The following LCOR variants were observed in gnomAD, a reference collection of about 807,000 sequenced individuals.
The protein encoded by LCOR is ligand dependent nuclear receptor corepressor, also known as ligand-dependent corepressor.
A neutral mutation model predicts 64.4 loss-of-function variants in LCOR; 14 were observed. The observed-to-expected ratio is 0.22, with a 90% confidence interval of 0.14 to 0.34. The LOEUF is 0.34. LCOR is among the 10% of genes least tolerant of loss of function. The probability of loss-of-function intolerance (pLI) is 1.00; values close to 1 mark genes in which losing one functional copy is unlikely to be tolerated. For synonymous variants in LCOR, 643 were observed against 642.5 expected, an observed-to-expected ratio of 1.00 and a Z score of -0.01; for missense variants, 1,686 against 1,765.3, an observed-to-expected ratio of 0.96 and a Z score of 0.80.
intron 4 of LCOR, among the ~76,000 whole-genome samples, chr10:96,922,402 A>G (rs1002311191): frequency 7.9e-5 from 12 of 152,184 alleles, no homozygotes; most frequent in Non-Finnish European, 4.4e-5. Context: ...ACACAAGTTA[A>G]TGACTATTGC....
chr10:96,959,352 A>G (rs1847845061), intron 7 of LCOR: 1 of 152,192 alleles, frequency 6.6e-6, no homozygotes, highest in South Asian at 2.1e-4. Flanking sequence ...ATTTTCCAGT[A>G]GGCAGATAAC....
chr10:96,833,346 G>A (rs1368739645), intron 1 of LCOR, 60 bp from the exon 2 acceptor site: 1 of 972,466 alleles, frequency 1.0e-6, no homozygotes, highest in East Asian at 1.1e-4. Flanking sequence ...CCCCGGGAGG[G>A]GCCGGGCGGC....
intron 7 of LCOR, chr10:96,958,253 T>TTTA (rs1050046349): frequency 7.5e-7 from 1 of 1,326,834 alleles, no homozygotes; most frequent in African/African-American, 1.5e-5. Context: ...AATCTGGCCC[T>TTTA]AAAAGTTCAA....
rs768140896 is a variant in LCOR, at chr10:96,981,024, G to A, written c.564G>A (p.Lys188=). The A allele has an allele frequency of 3.3e-5, 23 of 702,878 alleles. No homozygotes were observed. The highest frequency in any genetic ancestry group is 3.1e-4 in the South Asian group (21 of 67,594). 43.5% of individuals were successfully genotyped at this position (702,878 alleles called of 1,614,324 possible). The change falls in exon 8 of 8, where the codon AAG becomes AAA. Residue 188 remains lysine, a synonymous_variant. Transcript: ENST00000421806. ...GTGCCCAGCTCAGCACCAAACATAA[G>A]GAAAAAGATGCTCTGTGTCTCGATA... The part of the protein sequence containing the change: ...AGCAQLSTKH[K]EKDALCLDMK...
intron 4 of LCOR, among the ~76,000 whole-genome samples, chr10:96,925,689 T>C (rs932159575): frequency 1.3e-5 from 2 of 152,198 alleles, no homozygotes; most frequent in African/African-American, 4.8e-5. Flanking sequence ...ACTGAAATAT[T>C]ACTATTTTCC....
At chr10:96,842,738 C>G (rs1174096717) in intron 2 of LCOR, among the ~76,000 whole-genome samples, 1 of 148,236 alleles carries the variant, frequency 6.7e-6, no homozygotes, top group African/African-American at 2.5e-5. Flanking sequence ...TCAAGTGATT[C>G]TTCTGCCTCA....
At chr10:96,979,356 G>A (rs7900672) in intron 7 of LCOR, among the ~76,000 whole-genome samples, 8,288 of 152,228 alleles carry the variant, frequency 0.054, 757 homozygotes, top group African/African-American at 0.19. Context: ...GGAGCACACC[G>A]ACTGCATGGG....
intron 2 of LCOR, among the ~76,000 whole-genome samples, chr10:96,858,510 C>T (rs1450933811): frequency 6.6e-6 from 1 of 152,208 alleles, no homozygotes; most frequent in Non-Finnish European, 1.5e-5. Flanking sequence ...AACAAACCAA[C>T]CATAAATAAT....
intron 4 of LCOR, among the ~76,000 whole-genome samples, chr10:96,919,509 G>A (rs1242629372): frequency 2.6e-5 from 4 of 151,300 alleles, no homozygotes; most frequent in East Asian, 1.9e-4. Context: ...TTTAAATTAC[G>A]GTAAAATATA....
chr10:96,985,145 G>A lies in LCOR; in HGVS notation c.*11G>A. ...CTGGATGCAAAGTGATTGGAAAGAT[G>A]GTAGCCAAGAGTAAAACTGTTCTAT... On this transcript the variant is annotated 3_prime_UTR_variant, in exon 8 of 8. Transcript: ENST00000421806. The A allele has an allele frequency of 6.3e-7, 1 of 1,580,170 alleles. No individual in the cohort carries two copies. The highest frequency in any genetic ancestry group is 8.6e-7 in the Non-Finnish European group (1 of 1,167,514).
intron 7 of LCOR, among the ~76,000 whole-genome samples, chr10:96,977,693 G>A (rs1848049890): frequency 6.6e-6 from 1 of 151,948 alleles, no homozygotes; most frequent in Non-Finnish European, 1.5e-5. Flanking sequence ...GTTTTTTGAT[G>A]TGGGGTCTCA....
chr10:96,994,261 A>G lies in LCOR; in HGVS notation c.*9127A>G, dbSNP rs1848224729. On this transcript the variant is annotated 3_prime_UTR_variant, in exon 8 of 8. Coordinates refer to ENST00000421806, the MANE Select transcript of LCOR (RefSeq NM_001346516.2). ...ACCTTTAAAACCTAGCCCATTTCAT[A>G]TCAGCCTCTTCTGTGCCTGGGCTTG... 1 of 152,200 alleles carries G rather than the reference A, an allele frequency of 6.6e-6. No homozygotes were observed. Among genetic ancestry groups the G allele is most frequent in the South Asian group, 2.1e-4 (1 of 4,834 alleles). 9.4% of individuals were successfully genotyped at this position (152,200 alleles called of 1,614,324 possible). A position where few individuals can be genotyped will look rare whatever the true frequency, so the allele number is the denominator to read the frequency against.
At chr10:96,881,159 C>T (rs1248096962) in intron 2 of LCOR, among the ~76,000 whole-genome samples, 1 of 152,154 alleles carries the variant, frequency 6.6e-6, no homozygotes, top group Non-Finnish European at 1.5e-5. Context: ...AAAGGTTTGT[C>T]TGACTCTCCT....
At position 96,961,198 on chromosome 10, in the gene LCOR, AATCGAGGCTAATTAATGTTGAT is replaced by A. The variant is rs1458566110; in HGVS notation, c.332+9003_332+9024del. 3 of 152,274 alleles carry A rather than the reference AATCGAGGCTAATTAATGTTGAT, an allele frequency of 2.0e-5. No homozygotes were observed. In the East Asian group the frequency reaches 5.8e-4, roughly 29 times the overall value. The allele number at this position is 152,274 out of a possible 1,614,324, so 9.4% of individuals were successfully genotyped here. A position where few individuals can be genotyped will look rare whatever the true frequency, so the allele number is the denominator to read the frequency against. ...ATCTTTTACATTGTTTAAAAATGAG[AATCGAGGCTAATTAATGTTGAT>A]TTGACAATAGAACATGAGCTAATTC... On this transcript the variant is annotated intron_variant, in intron 7 of 7. Coordinates refer to ENST00000421806, the MANE Select transcript of LCOR (RefSeq NM_001346516.2).
At chr10:96,879,197 G>A (rs1256791891) in intron 2 of LCOR, among the ~76,000 whole-genome samples, 4 of 152,052 alleles carry the variant, frequency 2.6e-5, no homozygotes, top group Non-Finnish European at 5.9e-5. Context: ...AATAAAAACA[G>A]TGAAATATAT....
intron 2 of LCOR, among the ~76,000 whole-genome samples, chr10:96,887,975 C>G (rs984049141): frequency 1.3e-5 from 2 of 151,912 alleles, no homozygotes; most frequent in Non-Finnish European, 2.9e-5. Flanking sequence ...ACCACCACAC[C>G]TGGCCTACTT....
intron 2 of LCOR, among the ~76,000 whole-genome samples, chr10:96,853,785 G>A (rs1301586595): frequency 6.6e-6 from 1 of 152,166 alleles, no homozygotes; most frequent in East Asian, 1.9e-4. Context: ...AAGAAAAGAG[G>A]TTTAATTGAC....
intron 2 of LCOR, among the ~76,000 whole-genome samples, chr10:96,862,054 G>A (rs1845896271): frequency 6.6e-6 from 1 of 152,140 alleles, no homozygotes; most frequent in African/African-American, 2.4e-5. Context: ...ACTCAGGGAA[G>A]CACTTATTTA....
At chr10:96,938,275 A>G (rs544305577) in intron 4 of LCOR, among the ~76,000 whole-genome samples, 5 of 152,238 alleles carry the variant, frequency 3.3e-5, no homozygotes, top group Non-Finnish European at 5.9e-5. Context: ...TTACTGTAAT[A>G]CAATGTGTTA....
Sources: allele counts gnomAD v4.1 joint callset (sites outside exome capture counted in the v4.1 genomes callset), GRCh38; gene constraint gnomAD v4.1.1; transcripts MANE v1.5; gene names NCBI Gene and HGNC (gene_info 2026-07-23, HGNC 2026-07-21).